Variants in LILRA1 observed in about 807,000 individuals in gnomAD.
LILRA1 encodes leukocyte immunoglobulin-like receptor subfamily A member 1.
In LILRA1, 51 loss-of-function variants were observed where a neutral mutation model predicts 51.6. The observed-to-expected ratio is 0.99, with a 90% CI of 0.79 to 1.25. The LOEUF is 1.25. Among genes scored for constraint, LILRA1 ranks in the 50% most tolerant of loss-of-function variants. The pLI, the probability that LILRA1 is intolerant of heterozygous loss-of-function variation, is 0.00. For synonymous variants in LILRA1, 305 were observed against 248.4 expected (o/e 1.23, Z -2.14); for missense variants, 660 against 611.7 (o/e 1.08, Z -0.83).
chr19:54,597,748 C>T (rs1191719069), intron 7 of LILRA1, among the ~76,000 whole-genome samples: 1 of 151,832 alleles, frequency 6.6e-6, no homozygotes, highest in East Asian at 2.0e-4. Context: ...CTGTAGGGTC[C>T]CTGGGCCATC....
In LILRA1 at chr19:54,601,074, C is replaced by T. The variant is rs1401083980; in HGVS notation, c.*257C>T. 3 of 554,574 alleles carry T rather than the reference C, an allele frequency of 5.4e-6. No homozygotes were observed. The highest frequency in any genetic ancestry group is 9.7e-6 in the Non-Finnish European group (3 of 309,928). The allele number at this position is 554,574 out of a possible 1,614,324, so 34.4% of individuals were successfully genotyped here. A position where few individuals can be genotyped will look rare whatever the true frequency, so the allele number is the denominator to read the frequency against. ...TGTTGACTTCCCTTGGTTGGATCCT[C>T]TTCTTTCCCCACCCCCAGACAGACA... On this transcript the variant is annotated 3_prime_UTR_variant, in exon 10 of 10. Coordinates refer to ENST00000251372, the MANE Select transcript of LILRA1 (RefSeq NM_006863.4).
rs1431739202 is a variant in LILRA1, at chr19:54,594,427, G to A, written c.35-14G>A. 2.5e-6 allele frequency: 4 copies of A among 1,614,118 alleles called. No individual in the cohort carries two copies. Among genetic ancestry groups the A allele is most frequent in the Non-Finnish European group, 3.4e-6 (4 of 1,180,044 alleles). On this transcript the variant is annotated splice_polypyrimidine_tract_variant and intron_variant, in intron 2 of 9. Transcript: ENST00000251372. The stretch of plus-strand genomic sequence containing the variant: ...GCTTCAGGGGCAAATTCCTCACAGG[G>A]AACTCTCTTCCAGGGCTGAGTCTGG...
intron 7 of LILRA1, among the ~76,000 whole-genome samples, chr19:54,598,460 T>C (rs2063104450): frequency 6.6e-6 from 1 of 152,106 alleles, no homozygotes; most frequent in Non-Finnish European, 1.5e-5. Context: ...CGGCTCCCTG[T>C]GGCATGAGAA....
intron 6 of LILRA1, 61 bp downstream of exon 6, chr19:54,595,996 C>G (rs2063042690): frequency 6.3e-7 from 1 of 1,588,642 alleles, no homozygotes; most frequent in Non-Finnish European, 8.6e-7. Flanking sequence ...GCCAGGGGAG[C>G]CCAGGTGGTG....
chr19:54,600,782 C>T lies in LILRA1; in HGVS notation c.1435C>T (p.Leu479=), dbSNP rs1465894023. 6.2e-7 allele frequency: 1 copy of T among 1,614,122 alleles called. No homozygotes were observed. The highest frequency in any genetic ancestry group is 1.3e-5 in the African/African-American group (1 of 75,010). ...GLVLVVLGIL[L]FEAQHSQRSL is the part of the protein sequence containing the mutation. The stretch of plus-strand genomic sequence containing the variant: ...GGTCCTGGTGGTCCTCGGGATTCTG[C>T]TATTTGAGGCTCAGCACAGCCAGAG... The change falls in exon 10 of 10, where the codon CTA becomes TTA. Residue 479 remains leucine, a synonymous_variant. Coordinates refer to ENST00000251372, the MANE Select transcript of LILRA1 (RefSeq NM_006863.4).
intron 8 of LILRA1, among the ~76,000 whole-genome samples, chr19:54,599,946 G>A (rs572866595): frequency 6.6e-6 from 1 of 152,266 alleles, no homozygotes; most frequent in African/African-American, 2.4e-5. Flanking sequence ...ATGTTTGTAT[G>A]TGTGTGTGAA....
intron 1 of LILRA1, among the ~76,000 whole-genome samples, 182 bp from the exon 2 acceptor site, chr19:54,594,015 G>A (rs2062963517): frequency 1.3e-5 from 2 of 152,112 alleles, no homozygotes; most frequent in South Asian, 2.1e-4. Flanking sequence ...GTCTGCAGAG[G>A]GCCTGGTTCC....
At position 54,594,624 on chromosome 19, in the gene LILRA1, G is replaced by T. The variant is rs1362555880; in HGVS notation, c.71-41G>T. The T allele has an allele frequency of 7.5e-6, 12 of 1,608,386 alleles. 1 individual carries two copies. The Admixed American group carries it at 2.0e-4, about 27-fold the overall frequency. On this transcript the variant is annotated intron_variant, in intron 3 of 9. Coordinates refer to ENST00000251372, the MANE Select transcript of LILRA1 (RefSeq NM_006863.4). ...TGGGCTGAGAGCTGAGATATGTTGG[G>T]TGGGAAATGACTTAGAATCTGAACT...
At chr19:54,597,569 C>A (rs192264954) in intron 7 of LILRA1, among the ~76,000 whole-genome samples, 3 of 151,708 alleles carry the variant, frequency 2.0e-5, no homozygotes, top group South Asian at 4.3e-4. Context: ...GAGAACAGGT[C>A]GGGTCAGCAG....
rs530732441 is a variant in LILRA1 at position 54,595,782 on chromosome 19, C to G, written c.805C>G (p.Pro269Ala). The change falls in exon 6 of 10, where the codon CCT becomes GCT. Residue 269 changes from proline (P) to alanine (A), a missense_variant. Pro to Ala is a conservative substitution (Grantham distance 27). Coordinates refer to ENST00000251372, the MANE Select transcript of LILRA1 (RefSeq NM_006863.4). Reference sequence around the variant, plus strand: ...GGGAGAACGTGACTTCCTCCAGCTCCCTGGCCCACAGCCCCAGGCTGGGCT... The same window carrying G: ...GGGAGAACGTGACTTCCTCCAGCTCGCTGGCCCACAGCCCCAGGCTGGGCT... Reference protein sequence around the residue: ...KEGERDFLQLPGPQPQAGLSQ... With the variant: ...KEGERDFLQLAGPQPQAGLSQ... The G allele has an allele frequency of 2.2e-5, 36 of 1,614,152 alleles. No homozygotes were observed. The South Asian group carries it at 3.3e-4, about 15-fold the overall frequency.
Position 54,594,279 on chromosome 19 carries a change from G to C in LILRA1, c.34+1G>C. On this transcript the variant is annotated splice_donor_variant, in intron 2 of 9. Coordinates refer to ENST00000251372, the MANE Select transcript of LILRA1 (RefSeq NM_006863.4). LOFTEE classifies it high-confidence loss of function. Reference sequence around the variant, plus strand: ...ATCGTCACAGTCCTGATCTGTCTCAGTGAGATTTGAAGAGGGAGGGGAGCT... The same window carrying C: ...ATCGTCACAGTCCTGATCTGTCTCACTGAGATTTGAAGAGGGAGGGGAGCT... The C allele has an allele frequency of 6.2e-7, 1 of 1,612,618 alleles. No homozygotes were observed. Among genetic ancestry groups the C allele is most frequent in the Non-Finnish European group, 8.5e-7 (1 of 1,179,478 alleles).
At chr19:54,599,639 T>A in intron 8 of LILRA1, 5 of 950,122 alleles carry the variant, frequency 5.3e-6, no homozygotes, top group Non-Finnish European at 6.6e-6. Flanking sequence ...TATTTCTAAA[T>A]TATGTGCCAA....
chr19:54,595,983 C>T, intron 6 of LILRA1, 48 bp downstream of exon 6: 2 of 1,601,264 alleles, frequency 1.2e-6, no homozygotes, highest in Non-Finnish European at 8.5e-7. Flanking sequence ...CCGCACAGGC[C>T]CTGCCAGGGG....
chr19:54,599,259 C>T lies in LILRA1; in HGVS notation c.1285C>T (p.Pro429Ser), dbSNP rs937322244. 1 of 1,574,934 alleles carries T rather than the reference C, an allele frequency of 6.3e-7. No individual in the cohort carries two copies. Among genetic ancestry groups the T allele is most frequent in the Non-Finnish European group, 8.6e-7 (1 of 1,156,082 alleles). The change falls in exon 8 of 10, where the codon CCA becomes TCA. Residue 429 changes from proline (P) to serine (S), a missense_variant. By Grantham distance (74) the Pro-to-Ser change is moderately conservative. Transcript: ENST00000251372. ...VSGAAETLSP[P>S]QNKSDSKAGA... The stretch of plus-strand genomic sequence containing the variant: ...AGGAGCAGCTGAGACCCTCAGCCCA[C>T]CACAAAACAAGTCCGATTCCAAGGC...
At position 54,596,458 on chromosome 19, in the gene LILRA1, C is replaced by T. The variant is rs1440947365; in HGVS notation, c.1228C>T (p.His410Tyr). 3.1e-6 allele frequency: 5 copies of T among 1,614,196 alleles called. No homozygotes were observed. Among genetic ancestry groups the T allele is most frequent in the Admixed American group, 1.7e-5 (1 of 60,026 alleles). Residue 410 changes from histidine (H) to tyrosine (Y), a missense_variant, in exon 7 of 10, where the codon CAC becomes TAC. Transcript: ENST00000251372. ...SLSSNPYLLS[H>Y]PSDSLELMVS... ...CAGCTCCAACCCCTACCTGCTGTCT[C>T]ACCCCAGTGACTCCCTGGAGCTCAT...
At chr19:54,594,338 C>A (rs10410699) in intron 2 of LILRA1, 60 bp downstream of exon 2, 171,576 of 1,611,246 alleles carry the variant, frequency 0.11, 12,636 homozygotes, top group African/African-American at 0.38. Context: ...CCACAGCCGA[C>A]CTCTAGTCCC....
intron 1 of LILRA1, among the ~76,000 whole-genome samples, 168 bp downstream of exon 1, chr19:54,593,949 A>T (rs1274437164): frequency 6.6e-6 from 1 of 152,208 alleles, no homozygotes; most frequent in African/African-American, 2.4e-5. Flanking sequence ...TGAGAAGAGG[A>T]GAAACCAGAC....
chr19:54,599,378 A>C (rs1434333727), intron 8 of LILRA1, 92 bp downstream of exon 8: 1 of 1,448,636 alleles, frequency 6.9e-7, no homozygotes, highest in Non-Finnish European at 9.3e-7. Flanking sequence ...ACATTTTAAA[A>C]AATTACATTC....
chr19:54,594,699 A>C lies in LILRA1; in HGVS notation c.105A>C (p.Pro35=), dbSNP rs1312086971. The C allele has an allele frequency of 2.6e-5, 42 of 1,613,616 alleles. No individual in the cohort carries two copies. Among genetic ancestry groups the C allele is most frequent in the Non-Finnish European group, 3.3e-5 (39 of 1,179,768 alleles). ...TLPKPTLWAE[P]GSVITQGSPV... Reference sequence around the variant, plus strand: ...CCAAGCCCACACTCTGGGCTGAGCCAGGCTCTGTGATCACCCAGGGGAGTC... The same window carrying C: ...CCAAGCCCACACTCTGGGCTGAGCCCGGCTCTGTGATCACCCAGGGGAGTC... The change falls in exon 4 of 10, where the codon CCA becomes CCC. Residue 35 remains proline (P), a synonymous_variant. Transcript: ENST00000251372.
Sources: allele counts gnomAD v4.1 joint callset (sites outside exome capture counted in the v4.1 genomes callset), GRCh38; gene constraint gnomAD v4.1.1; transcripts MANE v1.5; gene names NCBI Gene and HGNC (gene_info 2026-07-23, HGNC 2026-07-21).